Variants in ANK2 observed in about 807,000 individuals in gnomAD.
The protein encoded by ANK2 is ankyrin 2, also known as ankyrin-2.
A neutral mutation model predicts 360.5 loss-of-function variants in ANK2; 83 were observed. That is an observed-to-expected ratio of 0.23 (90% confidence interval 0.19 to 0.28). ANK2 has a LOEUF of 0.28. Among genes scored for constraint, ANK2 ranks in the 10% least tolerant of loss-of-function variants. The pLI, the probability that ANK2 is intolerant of heterozygous loss-of-function variation, is 1.00. For missense variants in ANK2, 4,201 were observed against 4,795.7 expected (o/e 0.88, Z 3.66); for synonymous variants, 1,740 against 1,759.5 (o/e 0.99, Z 0.28).
chr4:113,259,178 A>G lies in ANK2; in HGVS notation c.1386+767A>G, dbSNP rs112025901. On this transcript the variant is annotated intron_variant, in intron 13 of 45. Transcript: ENST00000357077. ...TTTAAACTTTGGTCATTGTATCAGG[A>G]TAAATCATTGAATGCAAATGTTCTC... Among the ~76,000 whole-genome samples, 65 of 152,218 alleles carry G rather than the reference A, an allele frequency of 4.3e-4. 1 individual carries two copies. Among genetic ancestry groups the G allele is most frequent in the African/African-American group, 1.5e-3 (64 of 41,476 alleles).
chr4:112,954,246 C>CCTTCCTTCCTTG (rs1487121202), intron 2 of ANK2, among the ~76,000 whole-genome samples: 1 of 125,056 alleles, frequency 8.0e-6, no homozygotes, highest in African/African-American at 2.9e-5. Flanking sequence ...TTCCTTCCTT[C>CCTTCCTTCCTTG]CTTGCTTCCT....
chr4:113,069,787 A>G (rs4834311), intron 1 of ANK2: 71,893 of 151,992 alleles, frequency 0.47, 17,259 homozygotes, highest in East Asian at 0.62. Flanking sequence ...GTTTCTATTC[A>G]GTCCTCCTGG....
In ANK2 at chr4:113,060,300, ATAG is replaced by A. The variant is rs539542728; in HGVS notation, c.84+10493_84+10495del. On this transcript the variant is annotated intron_variant, in intron 1 of 45. Transcript: ENST00000357077. Reference sequence around the variant, plus strand: ...TTGCATTTTTCAATGATAATAATAAATAGTAGTTAATATTCATTGAGAGATTAG... The same window carrying A: ...TTGCATTTTTCAATGATAATAATAAATAGTTAATATTCATTGAGAGATTAG... 7.2e-4 allele frequency among the ~76,000 whole-genome samples: 109 copies of A among 152,264 alleles called. 1 individual carries two copies. The highest frequency in any genetic ancestry group is 1.4e-3 in the Non-Finnish European group (94 of 68,002).
the ANK2 span, among the ~76,000 whole-genome samples, chr4:112,776,474 C>G: frequency 6.6e-6 from 1 of 152,328 alleles, no homozygotes; most frequent in African/African-American, 2.4e-5. Flanking sequence ...CCCCATCTCT[C>G]TGGTAAAAAT....
rs780555782 is a variant in ANK2, at chr4:113,247,161, G to GAAAA, written c.892-2593_892-2590dup. Among the ~76,000 whole-genome samples, 573 of 121,452 alleles carry GAAAA rather than the reference G, an allele frequency of 4.7e-3. 4 individuals carry two copies. Among genetic ancestry groups the GAAAA allele is most frequent in the African/African-American group, 0.017 (554 of 33,472 alleles). 79.7% of individuals were successfully genotyped at this position (121,452 alleles called of 152,430 possible). A position where few individuals can be genotyped will look rare whatever the true frequency, so the allele number is the denominator to read the frequency against. Reference sequence around the variant, plus strand: ...ATCCGTGTGATGAACTGATTCTAGAGAAAAAAAAAAAAACAACAACAGAGA... The same window carrying GAAAA: ...ATCCGTGTGATGAACTGATTCTAGAGAAAAAAAAAAAAAAAAACAACAACAGAGA... On this transcript the variant is annotated intron_variant, in intron 9 of 45. Coordinates refer to ENST00000357077, the MANE Select transcript of ANK2 (RefSeq NM_001148.6).
intron 1 of ANK2, among the ~76,000 whole-genome samples, chr4:113,138,420 G>A (rs1223631457): frequency 1.3e-5 from 2 of 152,190 alleles, no homozygotes; most frequent in African/African-American, 4.8e-5. Context: ...TTTCAACACA[G>A]TACAAGAAAA....
chr4:113,369,643 A>C lies in ANK2; in HGVS notation c.11448A>C (p.Thr3816=). 1 of 1,614,084 alleles carries C rather than the reference A, an allele frequency of 6.2e-7. No individual in the cohort carries two copies. Among genetic ancestry groups the C allele is most frequent in the Non-Finnish European group, 8.5e-7 (1 of 1,179,998 alleles). Residue 3816 remains threonine, a synonymous_variant, in exon 43 of 46, where the codon ACA becomes ACC. Transcript: ENST00000357077. ...EEEKLYLQTP[T]SSERGGSPII... is the part of the protein sequence containing the mutation. ...AGAAGCTGTACCTCCAGACCCCAAC[A>C]TCCAGCGAGCGGGGAGGCTCTCCCA... is the stretch of plus-strand genomic sequence containing the variant.
intron 4 of ANK2, among the ~76,000 whole-genome samples, chr4:113,208,341 T>C (rs1427034572): frequency 6.6e-6 from 1 of 151,898 alleles, no homozygotes. Flanking sequence ...GGGACTGTTA[T>C]AAGACTGATT....
chr4:112,850,331 GTCCATCCA>G (rs139812761), intron 1 of ANK2, among the ~76,000 whole-genome samples: 1 of 143,132 alleles, frequency 7.0e-6, no homozygotes, highest in South Asian at 2.3e-4. Flanking sequence ...CCATTCATCT[GTCCATCCA>G]TCCATCCATC....
At position 113,336,791 on chromosome 4, in the gene ANK2, A is replaced by T. The variant is rs754794031; in HGVS notation, c.3796+10A>T. The T allele has an allele frequency of 2.5e-6, 4 of 1,613,034 alleles. No individual in the cohort carries two copies. The African/African-American group carries it at 5.3e-5, about 22-fold the overall frequency. On this transcript the variant is annotated intron_variant, in intron 31 of 45. Coordinates refer to ENST00000357077, the MANE Select transcript of ANK2 (RefSeq NM_001148.6). The stretch of plus-strand genomic sequence containing the variant: ...CTATGCAGCATAACAGGTGAGTCAC[A>T]TATGACTGTGTTCGTAGAGAGTTCT...
chr4:113,173,487 T>G (rs908129583), intron 1 of ANK2, among the ~76,000 whole-genome samples: 1 of 152,278 alleles, frequency 6.6e-6, no homozygotes, highest in Non-Finnish European at 1.5e-5. Context: ...AGATATTATA[T>G]GACAAAAAAT....
chr4:113,010,801 C>T (rs17045339), intron 2 of ANK2, among the ~76,000 whole-genome samples: 84,739 of 151,894 alleles, frequency 0.56, 25,493 homozygotes, highest in Non-Finnish European at 0.69. Flanking sequence ...ATATAAATGT[C>T]ACAGTTCTTC....
chr4:112,824,015 AT>A (rs546276005), intron 1 of ANK2, among the ~76,000 whole-genome samples: 1,685 of 151,624 alleles, frequency 0.011, 39 homozygotes, highest in African/African-American at 0.039. Flanking sequence ...ATTAATGCCG[AT>A]TTTTTTTTAA....
chr4:112,936,599 T>C (rs185752299), intron 2 of ANK2, among the ~76,000 whole-genome samples: 4,852 of 152,078 alleles, frequency 0.032, 194 homozygotes, highest in African/African-American at 0.095. Context: ...CTGCCTCGGC[T>C]TCCCAAAGTG....
At chr4:113,091,784 G>T (rs941482945) in intron 1 of ANK2, among the ~76,000 whole-genome samples, 1 of 152,206 alleles carries the variant, frequency 6.6e-6, no homozygotes, top group African/African-American at 2.4e-5. Context: ...AATGCTTTGC[G>T]ATGGTTATAG....
At chr4:113,237,222 C>A in intron 6 of ANK2, 50 bp downstream of exon 6, 1 of 1,568,036 alleles carries the variant, frequency 6.4e-7, no homozygotes. Flanking sequence ...GGCTGCCAGA[C>A]TCCTCCTGGG....
intron 39 of ANK2, among the ~76,000 whole-genome samples, chr4:113,361,349 T>C (rs955979190): frequency 6.6e-6 from 1 of 152,144 alleles, no homozygotes; most frequent in Admixed American, 6.5e-5. Context: ...ATGAATGAGA[T>C]ATTTCACTAA....
At chr4:113,204,853 A>G (rs2098921689) in intron 4 of ANK2, among the ~76,000 whole-genome samples, 1 of 152,184 alleles carries the variant, frequency 6.6e-6, no homozygotes, top group African/African-American at 2.4e-5. Context: ...AAAGCGATTC[A>G]GGTGTACTGG....
At chr4:113,161,414 C>A (rs1473241689) in intron 1 of ANK2, among the ~76,000 whole-genome samples, 11 of 152,132 alleles carry the variant, frequency 7.2e-5, no homozygotes, top group African/African-American at 2.7e-4. Context: ...TAATCAAACA[C>A]CTACATTTTC....
Sources: allele counts gnomAD v4.1 joint callset (sites outside exome capture counted in the v4.1 genomes callset), GRCh38; gene constraint gnomAD v4.1.1; transcripts MANE v1.5; gene names NCBI Gene and HGNC (gene_info 2026-07-23, HGNC 2026-07-21).